Variants in SAMD3 observed in about 807,000 individuals in gnomAD.
SAMD3 encodes sterile alpha motif domain containing 3.
A neutral mutation model predicts 58.5 loss-of-function variants in SAMD3; 63 were observed. The observed-to-expected ratio is 1.08, with a 90% CI of 0.88 to 1.33. The LOEUF (loss-of-function observed/expected upper bound fraction) is 1.33. SAMD3 is among the 40% of genes most tolerant of loss of function. The probability of loss-of-function intolerance (pLI) is 0.00; values close to 1 mark genes in which losing one functional copy is unlikely to be tolerated. For missense variants in SAMD3, 604 were observed against 608.4 expected, an observed-to-expected ratio of 0.99 and a Z score of 0.08; for synonymous variants, 220 against 210.3, an observed-to-expected ratio of 1.05 and a Z score of -0.40.
intron 2 of SAMD3, among the ~76,000 whole-genome samples, chr6:130,236,888 T>A (rs969533191): frequency 1.2e-4 from 18 of 152,332 alleles, no homozygotes; most frequent in African/African-American, 4.1e-4. Flanking sequence ...GATTTTTCCC[T>A]TGTATCAACT....
chr6:130,365,145 AT>A (rs763469983), exon 1 of SAMD3: 1 of 980,034 alleles, frequency 1.0e-6, no homozygotes, highest in Non-Finnish European at 1.2e-6. Flanking sequence ...ATATACAGTC[AT>A]CACCGTCTTT....
At chr6:130,288,665 A>T (rs1775255739) in intron 2 of SAMD3, among the ~76,000 whole-genome samples, 1 of 152,196 alleles carries the variant, frequency 6.6e-6, no homozygotes, top group Admixed American at 6.5e-5. Context: ...TGTTTAGGTA[A>T]CTCCAAATCT....
At chr6:130,301,251 G>A (rs1338672534) in intron 2 of SAMD3, among the ~76,000 whole-genome samples, 2 of 151,980 alleles carry the variant, frequency 1.3e-5, no homozygotes, top group Non-Finnish European at 2.9e-5. Flanking sequence ...CTAAGTCTTT[G>A]CTATTAAATA....
At chr6:130,317,192 G>A (rs1447791264) in intron 1 of SAMD3, among the ~76,000 whole-genome samples, 1 of 152,206 alleles carries the variant, frequency 6.6e-6, no homozygotes, top group Non-Finnish European at 1.5e-5. Context: ...TGATAAGGGA[G>A]TGGGAGAAAG....
chr6:130,296,851 G>A (rs1775586184), intron 2 of SAMD3, among the ~76,000 whole-genome samples: 1 of 152,128 alleles, frequency 6.6e-6, no homozygotes, highest in African/African-American at 2.4e-5. Context: ...TGAAATAAGG[G>A]TCATGAGCCC....
At chr6:130,246,011 AT>A (rs2114901944) in intron 2 of SAMD3, among the ~76,000 whole-genome samples, 1 of 152,300 alleles carries the variant, frequency 6.6e-6, no homozygotes, top group South Asian at 2.1e-4. Flanking sequence ...GGAAGCATAG[AT>A]CAATCTGCAA....
chr6:130,275,635 G>T (rs1774748915), intron 2 of SAMD3, among the ~76,000 whole-genome samples: 1 of 151,952 alleles, frequency 6.6e-6, no homozygotes, highest in Non-Finnish European at 1.5e-5. Context: ...AATGATATGG[G>T]AGAAAAATCA....
In SAMD3 at chr6:130,361,047, T is replaced by C. The variant is rs1447850890; in HGVS notation, c.-304+4073A>G. On this transcript the variant is annotated intron_variant, in intron 1 of 13. Transcript: ENST00000368134. ...AGATTTCATATTCTTCAAACACACA[T>C]GCTCTACAATTTGTGCAGTTAACGC... is the stretch of plus-strand genomic sequence containing the variant. Among the ~76,000 whole-genome samples the C allele has an allele frequency of 5.5e-4, 84 of 152,226 alleles. 1 individual carries two copies. Among genetic ancestry groups the C allele is most frequent in the Admixed American group, 5.5e-3 (84 of 15,286 alleles).
chr6:130,288,308 A>T (rs1046665495), intron 2 of SAMD3, among the ~76,000 whole-genome samples: 1 of 152,200 alleles, frequency 6.6e-6, no homozygotes, highest in Non-Finnish European at 1.5e-5. Context: ...TCAATGTTGC[A>T]GTCTCAAGTT....
At chr6:130,166,632 G>A (rs1023747938) in intron 8 of SAMD3, among the ~76,000 whole-genome samples, 7 of 152,190 alleles carry the variant, frequency 4.6e-5, no homozygotes, top group African/African-American at 1.7e-4. Flanking sequence ...GAATAAGGGA[G>A]TAACTTTGTG....
intron 1 of SAMD3, among the ~76,000 whole-genome samples, chr6:130,355,684 G>A (rs1245753413): frequency 6.6e-6 from 1 of 152,134 alleles, no homozygotes; most frequent in Non-Finnish European, 1.5e-5. Flanking sequence ...GTGCTTCAGT[G>A]GGGTAGTCCC....
intron 5 of SAMD3, among the ~76,000 whole-genome samples, chr6:130,187,211 T>C (rs1004155649): frequency 2.6e-5 from 4 of 152,244 alleles, no homozygotes; most frequent in African/African-American, 7.2e-5. Flanking sequence ...GAAGTTGTTA[T>C]GTTACTTAGT....
chr6:130,289,288 G>A (rs761894693), intron 2 of SAMD3, among the ~76,000 whole-genome samples: 18 of 152,142 alleles, frequency 1.2e-4, no homozygotes, highest in Admixed American at 2.6e-4. Context: ...GACTCCATAC[G>A]TATTTGAAAA....
At chr6:130,208,363 A>G (rs1172166539) in intron 5 of SAMD3, among the ~76,000 whole-genome samples, 1 of 152,190 alleles carries the variant, frequency 6.6e-6, no homozygotes, top group Non-Finnish European at 1.5e-5. Context: ...GAAATGCTGT[A>G]GGACAGGGGT....
At chr6:130,155,107 C>T in intron 8 of SAMD3, 82 bp from the exon 9 acceptor site, 1 of 1,055,238 alleles carries the variant, frequency 9.5e-7, no homozygotes, top group South Asian at 1.4e-5. Flanking sequence ...ACACTCTTAA[C>T]TCATTCCTAA....
chr6:130,335,213 C>T (rs541048664), intron 1 of SAMD3, among the ~76,000 whole-genome samples: 32 of 152,138 alleles, frequency 2.1e-4, no homozygotes, highest in Non-Finnish European at 4.0e-4. Flanking sequence ...GGGTTCTCTC[C>T]CTGTATGAGT....
intron 5 of SAMD3, among the ~76,000 whole-genome samples, chr6:130,188,204 A>G (rs1002700886): frequency 2.6e-5 from 4 of 152,226 alleles, no homozygotes; most frequent in African/African-American, 7.2e-5. Flanking sequence ...AGCATATGGT[A>G]TACTCTGATG....
chr6:130,188,456 C>G (rs772443533), intron 5 of SAMD3, among the ~76,000 whole-genome samples: 1 of 152,188 alleles, frequency 6.6e-6, no homozygotes, highest in Non-Finnish European at 1.5e-5. Context: ...AAAGAAGTAG[C>G]TACCTAAGCA....
intron 5 of SAMD3, among the ~76,000 whole-genome samples, chr6:130,193,717 A>C (rs924594173): frequency 1.2e-4 from 18 of 152,160 alleles, no homozygotes; most frequent in Non-Finnish European, 2.5e-4. Flanking sequence ...GCTTGACCCC[A>C]ATACAAACTC....
Sources: gnomAD v4.1 joint callset for allele counts (sites outside exome capture counted in the v4.1 genomes callset) on GRCh38, gnomAD v4.1.1 for gene constraint, MANE v1.5 for transcripts, NCBI Gene and HGNC (gene_info 2026-07-23, HGNC 2026-07-21) for gene names.